The following POT1 variants were observed in gnomAD, a reference collection of about 807,000 sequenced individuals.
POT1 encodes protection of telomeres protein 1.
POT1 carries 47 observed loss-of-function variants against 78.5 expected under a neutral mutation model. The ratio of observed to expected loss-of-function variants is 0.60; its 90% CI spans 0.47 to 0.76. The LOEUF (loss-of-function observed/expected upper bound fraction) is 0.76, where lower values mean the gene tolerates loss of function less well. Ranked by LOEUF, POT1 falls within the 30% of genes least tolerant of loss-of-function variation. The probability of loss-of-function intolerance (pLI) is 0.00; values close to 1 mark genes in which losing one functional copy is unlikely to be tolerated. For missense variants in POT1, 646 were observed against 749.9 expected (o/e 0.86, Z 1.62); for synonymous variants, 259 against 260.7 (o/e 0.99, Z 0.06).
chr7:124,840,422 A>AT (rs887431348), intron 14 of POT1, among the ~76,000 whole-genome samples: 2 of 152,110 alleles, frequency 1.3e-5, no homozygotes, highest in African/African-American at 4.8e-5. Context: ...GAAAAACTCT[A>AT]AATTTGCCAT....
rs1369995062 is a variant in POT1, at chr7:124,839,486, T to C, written c.1369+1487A>G. Among the ~76,000 whole-genome samples, 6 of 152,342 alleles carry C rather than the reference T, an allele frequency of 3.9e-5. No individual in the cohort carries two copies. In the South Asian group the frequency reaches 1.0e-3, roughly 26 times the overall value. On this transcript the variant is annotated intron_variant, in intron 14 of 18. Coordinates refer to ENST00000357628, the MANE Select transcript of POT1 (RefSeq NM_015450.3). ...AAGTCTAAGAATGACTTTGTATTTA[T>C]ATCGTTTTCTTTGGTTCATCTCTAA...
At chr7:124,864,438 T>C (rs1795672032) in intron 7 of POT1, among the ~76,000 whole-genome samples, 1 of 152,166 alleles carries the variant, frequency 6.6e-6, no homozygotes, top group African/African-American at 2.4e-5. Context: ...AACATGGCCA[T>C]ATTTGAGTCT....
chr7:124,826,440 G>A (rs1004390835), intron 17 of POT1, among the ~76,000 whole-genome samples: 2 of 152,128 alleles, frequency 1.3e-5, no homozygotes, highest in Non-Finnish European at 2.9e-5. Context: ...ATCTAAGAGT[G>A]GCCTTGAGGA....
In POT1 at chr7:124,845,124, A is replaced by T. The variant is rs543003757; in HGVS notation, c.1006+1818T>A. On this transcript the variant is annotated intron_variant, in intron 12 of 18. Transcript: ENST00000357628. Reference sequence around the variant, plus strand: ...AATTACAGGCAATTTTCAACATTAGAACATTTAACTGATTTATTACTATAA... The same window carrying T: ...AATTACAGGCAATTTTCAACATTAGTACATTTAACTGATTTATTACTATAA... Among the ~76,000 whole-genome samples the T allele has an allele frequency of 4.6e-5, 7 of 152,308 alleles. No individual in the cohort carries two copies. In the East Asian group the frequency reaches 1.2e-3, roughly 25 times the overall value.
At chr7:124,869,543 A>T (rs1795816354) in intron 7 of POT1, among the ~76,000 whole-genome samples, 1 of 152,246 alleles carries the variant, frequency 6.6e-6, no homozygotes, top group East Asian at 1.9e-4. Context: ...ACGTTTAAAT[A>T]AGTATGTATT....
intron 7 of POT1, among the ~76,000 whole-genome samples, chr7:124,863,974 A>T (rs746400477): frequency 2.6e-5 from 4 of 152,128 alleles, no homozygotes; most frequent in Non-Finnish European, 5.9e-5. Flanking sequence ...TATACAAGGA[A>T]AAAGGACCAT....
chr7:124,902,938 G>C (rs1034571358), intron 3 of POT1, among the ~76,000 whole-genome samples: 1 of 152,036 alleles, frequency 6.6e-6, no homozygotes, highest in Non-Finnish European at 1.5e-5. Flanking sequence ...AGGCCATTAA[G>C]TAATGGTAAA....
In POT1 at chr7:124,841,189, T is replaced by G; in HGVS notation, c.1164-11A>C. 1.2e-6 allele frequency: 2 copies of G among 1,604,900 alleles called. No individual in the cohort carries two copies. Among genetic ancestry groups the G allele is most frequent in the Non-Finnish European group, 1.7e-6 (2 of 1,173,828 alleles). The stretch of plus-strand genomic sequence containing the variant: ...TGTGGAACTTCTTGCCTAAAATTAT[T>G]GGCAATGAAATGATAGAAATCGATT... On this transcript the variant is annotated splice_polypyrimidine_tract_variant and intron_variant, in intron 13 of 18. Coordinates refer to ENST00000357628, the MANE Select transcript of POT1 (RefSeq NM_015450.3).
At chr7:124,825,378 GAAA>G in intron 17 of POT1, 21 bp from the exon 18 acceptor site, 1 of 1,377,704 alleles carries the variant, frequency 7.3e-7, no homozygotes, top group South Asian at 1.3e-5. Context: ...TTTCATGAGA[GAAA>G]AAAAAAGGAA....
At chr7:124,926,828 A>G (rs1797286322) in intron 2 of POT1, among the ~76,000 whole-genome samples, 1 of 152,068 alleles carries the variant, frequency 6.6e-6, no homozygotes, top group Admixed American at 6.5e-5. Context: ...TGAGACACAG[A>G]AAGAGAAATA....
chr7:124,823,858 C>CT lies in POT1; in HGVS notation c.*103dup. 1 of 742,674 alleles carries CT rather than the reference C, an allele frequency of 1.3e-6. No individual in the cohort carries two copies. The highest frequency in any genetic ancestry group is 2.3e-5 in the Admixed American group (1 of 43,670). The allele number at this position is 742,674 out of a possible 1,614,324, so 46.0% of individuals were successfully genotyped here. A position where few individuals can be genotyped will look rare whatever the true frequency, so the allele number is the denominator to read the frequency against. ...GACATTTTCTAATCCCATACCCATG[C>CT]TAACATCATCAACATTGCTGATACA... On this transcript the variant is annotated 3_prime_UTR_variant, in exon 19 of 19. Transcript: ENST00000357628.
chr7:124,901,701 G>C (rs1324856789), intron 3 of POT1, among the ~76,000 whole-genome samples: 1 of 152,184 alleles, frequency 6.6e-6, no homozygotes, highest in African/African-American at 2.4e-5. Flanking sequence ...GCAGAAGTAG[G>C]CTTCAGAAGA....
chr7:124,862,011 G>C (rs1795609901), intron 8 of POT1, among the ~76,000 whole-genome samples: 1 of 152,172 alleles, frequency 6.6e-6, no homozygotes, highest in Admixed American at 6.5e-5. Context: ...CTGTAGCCTT[G>C]TAGTACAGGT....
intron 13 of POT1, 97 bp from the exon 14 acceptor site, chr7:124,841,275 C>T: frequency 1.1e-6 from 1 of 878,532 alleles, no homozygotes; most frequent in Non-Finnish European, 1.8e-6. Flanking sequence ...ATCATTCTTA[C>T]ATGTAGATGA....
chr7:124,903,426 T>C (rs535803740), intron 3 of POT1, among the ~76,000 whole-genome samples: 2 of 152,326 alleles, frequency 1.3e-5, no homozygotes, highest in African/African-American at 4.8e-5. Flanking sequence ...AATGGACTAC[T>C]GGGTACATAA....
At chr7:124,922,428 T>C (rs1472278487) in intron 2 of POT1, among the ~76,000 whole-genome samples, 1 of 152,030 alleles carries the variant, frequency 6.6e-6, no homozygotes. Context: ...GAGTTTATAA[T>C]ACATGTACAT....
chr7:124,894,314 G>A (rs1482588079), intron 5 of POT1, among the ~76,000 whole-genome samples: 2 of 151,504 alleles, frequency 1.3e-5, no homozygotes, highest in African/African-American at 4.8e-5. Flanking sequence ...TAATGGAAGA[G>A]AAGCATACTG....
chr7:124,881,579 C>A (rs921771441), intron 6 of POT1, among the ~76,000 whole-genome samples: 1 of 151,990 alleles, frequency 6.6e-6, no homozygotes, highest in African/African-American at 2.4e-5. Context: ...AACCACACTA[C>A]TTGTTTTAAC....
chr7:124,897,994 G>C (rs113158058), intron 4 of POT1, among the ~76,000 whole-genome samples: 1,775 of 151,924 alleles, frequency 0.012, 43 homozygotes, highest in African/African-American at 0.039. Flanking sequence ...TAATCACAAA[G>C]AATATCCAGT....
Sources: allele counts gnomAD v4.1 joint callset (sites outside exome capture counted in the v4.1 genomes callset), GRCh38; gene constraint gnomAD v4.1.1; transcripts MANE v1.5; gene names NCBI Gene and HGNC (gene_info 2026-07-23, HGNC 2026-07-21).